Variants in MEIKIN observed in about 807,000 individuals in gnomAD.
MEIKIN encodes meiosis-specific kinetochore protein.
At chr5:131,915,533 C>A (rs1387254374) in intron 7 of MEIKIN, among the ~76,000 whole-genome samples, 1 of 152,128 alleles carries the variant, frequency 6.6e-6, no homozygotes, top group Non-Finnish European at 1.5e-5. Flanking sequence ...TGGAACATTT[C>A]TGAGAGTACA....
At position 131,810,326 on chromosome 5, in the gene MEIKIN, A is replaced by T. The variant is rs533785110; in HGVS notation, c.1100-3068T>A. On this transcript the variant is annotated intron_variant, in intron 12 of 12. Transcript: ENST00000442687. ...TCGTCTCTTCTGGAGCTCAAAATAG[A>T]ATAAAAAAAAATCTTAAAATTTACT... Among the ~76,000 whole-genome samples the T allele has an allele frequency of 5.3e-5, 8 of 152,270 alleles. No individual in the cohort carries two copies. The East Asian group carries it at 1.5e-3, about 29-fold the overall frequency.
intron 8 of MEIKIN, among the ~76,000 whole-genome samples, chr5:131,908,144 T>C (rs1047777424): frequency 1.3e-5 from 2 of 152,026 alleles, no homozygotes; most frequent in South Asian, 2.1e-4. Context: ...AAGAAAACTA[T>C]AGGCCAATAT....
At chr5:131,819,689 T>G (rs1360587441) in intron 11 of MEIKIN, among the ~76,000 whole-genome samples, 1 of 143,862 alleles carries the variant, frequency 7.0e-6, no homozygotes, top group African/African-American at 2.6e-5. Flanking sequence ...AACCTCTGCC[T>G]CCCACGTTCA....
At chr5:131,936,806 AG>A (rs1336429659) in intron 4 of MEIKIN, among the ~76,000 whole-genome samples, 2 of 152,056 alleles carry the variant, frequency 1.3e-5, no homozygotes, top group African/African-American at 2.4e-5. Flanking sequence ...CCTGACCTCA[AG>A]TAATCCTCCC....
Position 131,887,705 on chromosome 5 carries a change from T to A in MEIKIN, c.704-8657A>T, listed in dbSNP as rs549270051. Among the ~76,000 whole-genome samples the A allele has an allele frequency of 7.2e-5, 11 of 152,186 alleles. No individual in the cohort carries two copies. The East Asian group carries it at 7.7e-4, about 11-fold the overall frequency. On this transcript the variant is annotated intron_variant, in intron 8 of 12. Transcript: ENST00000442687. Reference sequence around the variant, plus strand: ...GTTTTTTTCTTGTAAATTTGTTTTTTTTTTATTTTATTATTATTATACTTT... The same window carrying A: ...GTTTTTTTCTTGTAAATTTGTTTTTATTTTATTTTATTATTATTATACTTT...
intron 11 of MEIKIN, among the ~76,000 whole-genome samples, chr5:131,848,569 T>G (rs1273932147): frequency 6.6e-6 from 1 of 152,210 alleles, no homozygotes. Context: ...CTAATTCTGA[T>G]GCCTTCCCTG....
chr5:131,891,527 C>T lies in MEIKIN; in HGVS notation c.704-12479G>A, dbSNP rs577119177. On this transcript the variant is annotated intron_variant, in intron 8 of 12. Coordinates refer to ENST00000442687, the MANE Select transcript of MEIKIN (RefSeq NM_001303622.2). ...GGTTTAAAGTCTGTTTTATCAGAGA[C>T]GAGGATTGCAACCCCTGCCTTTTTT... Among the ~76,000 whole-genome samples the T allele has an allele frequency of 2.3e-3, 357 of 152,258 alleles. 2 individuals are homozygous for T. The highest frequency in any genetic ancestry group is 8.1e-3 in the African/African-American group (336 of 41,552).
intron 10 of MEIKIN, among the ~76,000 whole-genome samples, chr5:131,853,250 A>G (rs1750144881): frequency 6.6e-6 from 1 of 152,216 alleles, no homozygotes; most frequent in Admixed American, 6.5e-5. Context: ...GAGTGCAGGG[A>G]CATTGTAATT....
chr5:131,841,741 A>C (rs1749917957), intron 11 of MEIKIN, among the ~76,000 whole-genome samples: 1 of 152,186 alleles, frequency 6.6e-6, no homozygotes, highest in Non-Finnish European at 1.5e-5. Context: ...CATTACATTT[A>C]TTTGTGCCTT....
chr5:131,849,544 G>C (rs1204540313), intron 11 of MEIKIN, among the ~76,000 whole-genome samples: 1,040 of 28,024 alleles, frequency 0.037, 106 homozygotes, highest in African/African-American at 0.11. Flanking sequence ...TATATATAAA[G>C]AAACCTCTTT....
At chr5:131,827,098 T>A (rs892552635) in intron 11 of MEIKIN, among the ~76,000 whole-genome samples, 3 of 152,140 alleles carry the variant, frequency 2.0e-5, no homozygotes, top group African/African-American at 7.2e-5. Context: ...GATCCTCCCA[T>A]CTCAGCCTTC....
At chr5:131,888,694 T>G (rs1462553531) in intron 8 of MEIKIN, among the ~76,000 whole-genome samples, 1 of 152,250 alleles carries the variant, frequency 6.6e-6, no homozygotes, top group Non-Finnish European at 1.5e-5. Context: ...TCTTTTGCTG[T>G]GCAGAAGCTC....
intron 8 of MEIKIN, among the ~76,000 whole-genome samples, chr5:131,885,862 T>C (rs1161697182): frequency 6.6e-6 from 1 of 152,208 alleles, no homozygotes; most frequent in Non-Finnish European, 1.5e-5. Flanking sequence ...CATGAGCTTT[T>C]AGATAGACAA....
At chr5:131,887,605 T>G (rs549835156) in intron 8 of MEIKIN, among the ~76,000 whole-genome samples, 19 of 152,342 alleles carry the variant, frequency 1.2e-4, no homozygotes, top group South Asian at 2.1e-4. Context: ...GAGCATTATT[T>G]CATGTGTCTG....
intron 11 of MEIKIN, among the ~76,000 whole-genome samples, chr5:131,833,066 G>T (rs1749741774): frequency 6.6e-6 from 1 of 152,156 alleles, no homozygotes; most frequent in Non-Finnish European, 1.5e-5. Context: ...TCAGAGAATG[G>T]GATTTTCCTT....
intron 10 of MEIKIN, 110 bp downstream of exon 10, chr5:131,854,644 A>T: frequency 2.6e-6 from 1 of 391,246 alleles, no homozygotes; most frequent in Non-Finnish European, 4.5e-6. Context: ...ACAGAAAAAC[A>T]CAGATATTAT....
chr5:131,822,141 T>C (rs997965787), intron 11 of MEIKIN, among the ~76,000 whole-genome samples: 7 of 152,218 alleles, frequency 4.6e-5, no homozygotes, highest in African/African-American at 1.4e-4. Flanking sequence ...AATATCTTTT[T>C]CCAGCCCTTT....
At chr5:131,871,442 G>T (rs1246724831) in intron 9 of MEIKIN, among the ~76,000 whole-genome samples, 1 of 152,236 alleles carries the variant, frequency 6.6e-6, no homozygotes, top group Non-Finnish European at 1.5e-5. Context: ...CGACAGCGAG[G>T]CTGGGGGAGG....
At chr5:131,852,190 G>A (rs989824688) in intron 10 of MEIKIN, among the ~76,000 whole-genome samples, 20 of 152,054 alleles carry the variant, frequency 1.3e-4, no homozygotes, top group Admixed American at 7.2e-4. Flanking sequence ...GGAGGGACCC[G>A]GTGTGAGGTG....
Sources: allele counts gnomAD v4.1 joint callset (sites outside exome capture counted in the v4.1 genomes callset), GRCh38; gene constraint gnomAD v4.1.1; transcripts MANE v1.5; gene names NCBI Gene and HGNC (gene_info 2026-07-23, HGNC 2026-07-21).